ME3: variants seen among roughly 807,000 people sequenced by gnomAD.
ME3 encodes the protein NADP-dependent malic enzyme, mitochondrial.
In ME3, 48 loss-of-function variants were observed where a neutral mutation model predicts 68.9. The observed-to-expected ratio is 0.70, with a 90% CI of 0.55 to 0.89. The LOEUF (loss-of-function observed/expected upper bound fraction) is 0.89, where lower values mean the gene tolerates loss of function less well. Among genes scored for constraint, ME3 ranks in the 40% least tolerant of loss-of-function variants. The pLI is 0.00. For synonymous variants in ME3, 320 were observed against 318.8 expected, an observed-to-expected ratio of 1.00 and a Z score of -0.04; for missense variants, 675 against 797.4, an observed-to-expected ratio of 0.85 and a Z score of 1.85.
intron 2 of ME3, among the ~76,000 whole-genome samples, chr11:86,626,956 G>C (rs550927357): frequency 6.6e-6 from 1 of 152,164 alleles, no homozygotes; most frequent in Non-Finnish European, 1.5e-5. Flanking sequence ...CTTGGGATCC[G>C]AAGGAAGAGT....
At chr11:86,540,794 C>T (rs987520464) in intron 4 of ME3, among the ~76,000 whole-genome samples, 13 of 152,158 alleles carry the variant, frequency 8.5e-5, no homozygotes, top group African/African-American at 2.9e-4. Flanking sequence ...TCCTCTACCC[C>T]AGAACATTTG....
intron 2 of ME3, among the ~76,000 whole-genome samples, chr11:86,651,544 G>C (rs1293072966): frequency 6.6e-5 from 10 of 152,202 alleles, no homozygotes; most frequent in Admixed American, 6.5e-4. Flanking sequence ...CTGACTGTTA[G>C]AAGGAAAACT....
intron 6 of ME3, among the ~76,000 whole-genome samples, chr11:86,489,407 A>G (rs978532391): frequency 6.6e-6 from 1 of 152,212 alleles, no homozygotes; most frequent in African/African-American, 2.4e-5. Flanking sequence ...ATTATAACAT[A>G]TGCTATAAAA....
At chr11:86,611,645 G>T (rs1301328755) in intron 2 of ME3, among the ~76,000 whole-genome samples, 2 of 150,704 alleles carry the variant, frequency 1.3e-5, no homozygotes, top group Admixed American at 1.3e-4. Flanking sequence ...GATTAGTGCT[G>T]TATTCAAAGG....
At chr11:86,467,712 C>CACACACACA (rs1471970486) in intron 7 of ME3, among the ~76,000 whole-genome samples, 96 of 150,838 alleles carry the variant, frequency 6.4e-4, no homozygotes, top group African/African-American at 2.0e-3. Flanking sequence ...CACACACACA[C>CACACACACA]CCCTTTAAGC....
At chr11:86,472,308 A>G (rs1056176742) in intron 7 of ME3, among the ~76,000 whole-genome samples, 2 of 152,160 alleles carry the variant, frequency 1.3e-5, no homozygotes, top group African/African-American at 4.8e-5. Flanking sequence ...AGCCTAAGCA[A>G]TCTGGAGGGC....
At chr11:86,646,627 T>C (rs1416079605) in intron 2 of ME3, among the ~76,000 whole-genome samples, 1 of 152,186 alleles carries the variant, frequency 6.6e-6, no homozygotes, top group Non-Finnish European at 1.5e-5. Context: ...GGAAACACAC[T>C]TCAGGATATT....
intron 8 of ME3, among the ~76,000 whole-genome samples, chr11:86,454,576 G>C (rs1949812593): frequency 6.6e-6 from 1 of 152,200 alleles, no homozygotes; most frequent in African/African-American, 2.4e-5. Context: ...CATGAAGACA[G>C]TTATTCATTT....
chr11:86,438,019 A>G (rs1239754809), downstream of ME3, among the ~76,000 whole-genome samples: 1 of 152,176 alleles, frequency 6.6e-6, no homozygotes, highest in East Asian at 1.9e-4. Flanking sequence ...CTCCGTGTTG[A>G]CTAGAAGTGG....
chr11:86,501,760 A>G (rs1285627174), intron 5 of ME3, among the ~76,000 whole-genome samples: 2 of 152,176 alleles, frequency 1.3e-5, no homozygotes, highest in African/African-American at 2.4e-5. Context: ...CTGTTAGTCA[A>G]CCACAGCCAA....
At chr11:86,599,116 G>T (rs1003063236) in intron 2 of ME3, among the ~76,000 whole-genome samples, 3 of 152,250 alleles carry the variant, frequency 2.0e-5, no homozygotes, top group Non-Finnish European at 4.4e-5. Flanking sequence ...ACTTTGACGA[G>T]TTGAGAGAAG....
chr11:86,491,367 C>A (rs1449631309), intron 6 of ME3, among the ~76,000 whole-genome samples: 1 of 152,220 alleles, frequency 6.6e-6, no homozygotes, highest in Admixed American at 6.5e-5. Flanking sequence ...CAGCTCCTCA[C>A]CCTCTGCCGG....
chr11:86,441,341 C>A, exon 15 of ME3: 1 of 1,613,462 alleles, frequency 6.2e-7, no homozygotes, highest in South Asian at 1.1e-5. Flanking sequence ...GTAAAGGAGT[C>A]ATAGTCTGGA....
chr11:86,459,118 T>C (rs1335734649), intron 8 of ME3, among the ~76,000 whole-genome samples: 1 of 152,136 alleles, frequency 6.6e-6, no homozygotes, highest in Non-Finnish European at 1.5e-5. Flanking sequence ...TGAGCCTTTA[T>C]GGACAAACAG....
exon 8 of ME3, chr11:86,465,092 T>G: frequency 6.2e-7 from 1 of 1,610,084 alleles, no homozygotes; most frequent in Non-Finnish European, 8.5e-7. Flanking sequence ...GAAACCTACC[T>G]TGGATGTCAT....
chr11:86,467,456 A>G (rs1320123970), intron 7 of ME3, among the ~76,000 whole-genome samples: 1 of 152,066 alleles, frequency 6.6e-6, no homozygotes, highest in East Asian at 1.9e-4. Context: ...ACCAAGCCAA[A>G]ATTTATTGTG....
chr11:86,441,108 T>C (rs889061858), downstream of ME3: 1 of 560,652 alleles, frequency 1.8e-6, no homozygotes, highest in Admixed American at 4.1e-5. Flanking sequence ...TCCCAGGGCC[T>C]TCAGAGACAA....
intron 7 of ME3, among the ~76,000 whole-genome samples, chr11:86,480,352 C>T (rs1011344287): frequency 1.3e-5 from 2 of 152,232 alleles, no homozygotes; most frequent in African/African-American, 4.8e-5. Context: ...TGTATTCCCT[C>T]ACGGGATAAG....
At chr11:86,462,667 G>T (rs150219096) in intron 8 of ME3, 10 of 1,133,884 alleles carry the variant, frequency 8.8e-6, no homozygotes, top group Non-Finnish European at 1.1e-5. Flanking sequence ...TAGCAGGCGC[G>T]GTGCTGGGAG....
Sources: allele counts gnomAD v4.1 joint callset (sites outside exome capture counted in the v4.1 genomes callset), GRCh38; gene constraint gnomAD v4.1.1; transcripts MANE v1.5; gene names NCBI Gene and HGNC (gene_info 2026-07-23, HGNC 2026-07-21).